SPEF2: variants seen among roughly 807,000 people sequenced by gnomAD.
The protein encoded by SPEF2 is sperm flagellar and cilia associated 2, also known as sperm flagella and cilia-associated protein 2.
Under a neutral mutation model 224.6 loss-of-function variants are expected in SPEF2, and 187 were observed. The ratio of observed to expected loss-of-function variants is 0.83; its 90% CI spans 0.74 to 0.94. The LOEUF (loss-of-function observed/expected upper bound fraction) is 0.94, where lower values mean the gene tolerates loss of function less well. SPEF2 is among the 40% of genes least tolerant of loss of function. SPEF2 has a pLI of 0.00. For missense variants in SPEF2, 2,170 were observed against 2,135.6 expected (o/e 1.02, Z -0.32); for synonymous variants, 715 against 707.3 (o/e 1.01, Z -0.17).
intron 15 of SPEF2, chr5:35,700,254 A>C: frequency 1.9e-6 from 1 of 520,216 alleles, no homozygotes; most frequent in East Asian, 3.2e-5. Flanking sequence ...GTGGCCAGTT[A>C]ATTTTAATGT....
At chr5:35,809,379 A>G (rs775047540) in intron 36 of SPEF2, among the ~76,000 whole-genome samples, 1 of 152,228 alleles carries the variant, frequency 6.6e-6, no homozygotes, top group East Asian at 1.9e-4. Flanking sequence ...AATTATAGGA[A>G]TTCAATACTT....
chr5:35,717,542 T>C lies in SPEF2; in HGVS notation c.2914+4656T>C, dbSNP rs976688829. Reference sequence around the variant, plus strand: ...AAAGACGGGGTTCTTGTCCATCCCATGGCCATGAAAATTTAGGCTCACAGA... The same window carrying C: ...AAAGACGGGGTTCTTGTCCATCCCACGGCCATGAAAATTTAGGCTCACAGA... On this transcript the variant is annotated intron_variant, in intron 20 of 36. Transcript: ENST00000356031. 4.6e-5 allele frequency among the ~76,000 whole-genome samples: 7 copies of C among 152,146 alleles called. No individual in the cohort carries two copies. The South Asian group carries it at 6.2e-4, about 14-fold the overall frequency.
intron 19 of SPEF2, chr5:35,710,794 AATT>A: frequency 1.0e-6 from 1 of 985,172 alleles, no homozygotes; most frequent in Non-Finnish European, 1.2e-6. Flanking sequence ...GCTATTTTAT[AATT>A]ATATTCTTGA....
At chr5:35,750,137 A>T (rs1412937137) in intron 23 of SPEF2, among the ~76,000 whole-genome samples, 1 of 152,182 alleles carries the variant, frequency 6.6e-6, no homozygotes. Flanking sequence ...GTGCTGGGAT[A>T]ATTGGCTAGC....
At chr5:35,629,307 C>A (rs551132011) in intron 2 of SPEF2, among the ~76,000 whole-genome samples, 1 of 151,858 alleles carries the variant, frequency 6.6e-6, no homozygotes, top group East Asian at 1.9e-4. Flanking sequence ...GCGCCTGCCA[C>A]CAGCCTGGCT....
chr5:35,666,379 A>G (rs1750461603), intron 8 of SPEF2, among the ~76,000 whole-genome samples: 1 of 152,192 alleles, frequency 6.6e-6, no homozygotes, highest in African/African-American at 2.4e-5. Flanking sequence ...TTGTGTGAAG[A>G]AAAGATTCCC....
At chr5:35,768,045 T>A (rs936388291) in intron 26 of SPEF2, among the ~76,000 whole-genome samples, 11 of 152,156 alleles carry the variant, frequency 7.2e-5, no homozygotes, top group African/African-American at 2.7e-4. Flanking sequence ...GTTGTTATTG[T>A]TGTTGTTGTT....
At chr5:35,714,252 C>T (rs1361754679) in intron 20 of SPEF2, among the ~76,000 whole-genome samples, 4 of 151,012 alleles carry the variant, frequency 2.6e-5, no homozygotes, top group Admixed American at 1.3e-4. Context: ...ATTTTTCAAC[C>T]ATCAAAGAGT....
chr5:35,773,795 A>G (rs2149787755), intron 27 of SPEF2, 98 bp from the exon 28 acceptor site: 1 of 1,387,008 alleles, frequency 7.2e-7, no homozygotes, highest in East Asian at 2.5e-5. Context: ...AGAGGTTTAT[A>G]GCTTAACAAA....
At chr5:35,761,090 T>C (rs1020888803) in intron 25 of SPEF2, among the ~76,000 whole-genome samples, 36 of 152,176 alleles carry the variant, frequency 2.4e-4, no homozygotes, top group African/African-American at 8.4e-4. Context: ...ATATTTTATG[T>C]TGAAGGCAGT....
intron 20 of SPEF2, among the ~76,000 whole-genome samples, chr5:35,726,286 A>G (rs1744642295): frequency 6.6e-6 from 1 of 152,204 alleles, no homozygotes; most frequent in Non-Finnish European, 1.5e-5. Flanking sequence ...TCTCTAATTT[A>G]TCATTACAAA....
At chr5:35,714,397 T>C (rs1182449470) in intron 20 of SPEF2, among the ~76,000 whole-genome samples, 3 of 151,822 alleles carry the variant, frequency 2.0e-5, no homozygotes, top group East Asian at 3.9e-4. Flanking sequence ...AAGTGAACTT[T>C]TAAAAGCCTA....
intron 21 of SPEF2, among the ~76,000 whole-genome samples, chr5:35,735,121 A>AAGCTTATAT (rs1260082935): frequency 6.6e-6 from 1 of 152,272 alleles, no homozygotes; most frequent in East Asian, 1.9e-4. Context: ...CTTCTATATG[A>AAGCTTATAT]ATATAAGCTC....
At chr5:35,793,861 T>A (rs1457409671) in intron 32 of SPEF2, among the ~76,000 whole-genome samples, 1 of 151,690 alleles carries the variant, frequency 6.6e-6, no homozygotes, top group Non-Finnish European at 1.5e-5. Context: ...CTGTGGGAAA[T>A]GAAGAGAGAA....
intron 9 of SPEF2, among the ~76,000 whole-genome samples, chr5:35,667,986 T>C (rs946814582): frequency 3.9e-5 from 6 of 152,056 alleles, no homozygotes; most frequent in Non-Finnish European, 8.8e-5. Context: ...ATAAGAATGG[T>C]TAAAATTTTT....
chr5:35,812,191 C>T (rs915226687), intron 36 of SPEF2, among the ~76,000 whole-genome samples: 12 of 152,094 alleles, frequency 7.9e-5, no homozygotes, highest in Non-Finnish European at 1.6e-4. Flanking sequence ...TTCTGAATCA[C>T]GTGCAATTAT....
chr5:35,618,111 G>A, intron 1 of SPEF2, 56 bp downstream of exon 1: 1 of 1,512,344 alleles, frequency 6.6e-7, no homozygotes, highest in Non-Finnish European at 9.0e-7. Context: ...CGCAGAGCCT[G>A]CAGCGCAGCG....
chr5:35,783,526 G>T (rs939259086), intron 30 of SPEF2, among the ~76,000 whole-genome samples: 6 of 152,108 alleles, frequency 3.9e-5, no homozygotes, highest in African/African-American at 1.4e-4. Flanking sequence ...TATAATTATA[G>T]TAATGTCATA....
Position 35,800,049 on chromosome 5 carries a change from C to T in SPEF2, c.4912C>T (p.His1638Tyr). Residue 1638 changes from histidine to tyrosine, a missense_variant, in exon 34 of 37, where the codon CAC (histidine) becomes TAC (tyrosine). His to Tyr is a moderately conservative substitution (Grantham distance 83). Transcript: ENST00000356031. Reference sequence around the variant, plus strand: ...ACAGATGCTGCTTTACTTTGCTTGCCACCCAGACACCGTGGAAGGAGTCTA... The same window carrying T: ...ACAGATGCTGCTTTACTTTGCTTGCTACCCAGACACCGTGGAAGGAGTCTA... ...YTQMLLYFAC[H>Y]PDTVEGVYRA... 1.9e-6 allele frequency: 3 copies of T among 1,614,120 alleles called. No homozygotes were observed. Among genetic ancestry groups the T allele is most frequent in the Non-Finnish European group, 2.5e-6 (3 of 1,180,022 alleles).
Sources: allele counts gnomAD v4.1 joint callset (sites outside exome capture counted in the v4.1 genomes callset), GRCh38; gene constraint gnomAD v4.1.1; transcripts MANE v1.5; gene names NCBI Gene and HGNC (gene_info 2026-07-23, HGNC 2026-07-21).